ANK1: variants seen among roughly 807,000 people sequenced by gnomAD.
ANK1 encodes ankyrin 1.
ANK1 carries 51 observed loss-of-function variants against 210.4 expected under a neutral mutation model. That is an observed-to-expected ratio of 0.24 (90% CI 0.19 to 0.31). The LOEUF is 0.31. ANK1 is among the 10% of genes least tolerant of loss of function. ANK1 has a pLI of 1.00. For synonymous variants in ANK1, 967 were observed against 1,025.9 expected (o/e 0.94, Z 1.10); for missense variants, 2,051 against 2,504.4 (o/e 0.82, Z 3.86).
At chr8:41,880,771 A>C (rs1213779159) in intron 1 of ANK1, among the ~76,000 whole-genome samples, 1 of 152,106 alleles carries the variant, frequency 6.6e-6, no homozygotes, top group Non-Finnish European at 1.5e-5. Context: ...CTGCATCCAA[A>C]CTCAAGCTCC....
chr8:41,895,252 C>G (rs529403391), intron 1 of ANK1, among the ~76,000 whole-genome samples: 1 of 152,310 alleles, frequency 6.6e-6, no homozygotes, highest in East Asian at 1.9e-4. Flanking sequence ...GCCTGAGGGG[C>G]CCCACTCCTT....
chr8:41,744,033 C>A (rs1207862306), intron 2 of ANK1, among the ~76,000 whole-genome samples: 2 of 152,022 alleles, frequency 1.3e-5, no homozygotes, highest in African/African-American at 4.8e-5. Flanking sequence ...GCACCTTGTG[C>A]CAGAAAGTAG....
At chr8:41,688,395 G>A in intron 34 of ANK1, 116 bp downstream of exon 34, 2 of 1,453,046 alleles carry the variant, frequency 1.4e-6, no homozygotes, top group Non-Finnish European at 1.9e-6. Flanking sequence ...GCTGCTTTTG[G>A]AACTGGCTGA....
At chr8:41,730,668 A>G (rs2279437) in intron 3 of ANK1, among the ~76,000 whole-genome samples, 85,507 of 152,028 alleles carry the variant, frequency 0.56, 24,747 homozygotes, top group Middle Eastern at 0.63. Flanking sequence ...AAGTCCAAAG[A>G]GCCTCCATTG....
chr8:41,739,662 G>A lies in ANK1; in HGVS notation c.130-5593C>T, dbSNP rs1834261558. The stretch of plus-strand genomic sequence containing the variant: ...CTTCTTCTGTGAAGTTGTCAGCATG[G>A]AGGTGAGAAGGCTGAGTCAATCTCA... On this transcript the variant is annotated intron_variant, in intron 2 of 42. Coordinates refer to ENST00000289734, the MANE Select transcript of ANK1 (RefSeq NM_000037.4). 2.0e-5 allele frequency among the ~76,000 whole-genome samples: 3 copies of A among 152,020 alleles called. No homozygotes were observed. The South Asian group carries it at 6.2e-4, about 32-fold the overall frequency.
intron 37 of ANK1, among the ~76,000 whole-genome samples, chr8:41,680,100 T>A (rs1815491211): frequency 6.6e-6 from 1 of 152,138 alleles, no homozygotes; most frequent in Non-Finnish European, 1.5e-5. Context: ...GCTCCTTGGA[T>A]TTGGCTGGAT....
intron 10 of ANK1, among the ~76,000 whole-genome samples, chr8:41,719,297 G>A (rs2150643343): frequency 6.6e-6 from 1 of 152,296 alleles, no homozygotes; most frequent in Admixed American, 6.5e-5. Flanking sequence ...AGCTCAGAAA[G>A]CCACGCAGCC....
In ANK1 at chr8:41,718,110, G is replaced by A. The variant is rs1349506471; in HGVS notation, c.1202C>T (p.Thr401Ile). Residue 401 changes from threonine (T) to isoleucine (I), a missense_variant, in exon 11 of 43, where the codon ACC (threonine) becomes ATC (isoleucine). By Grantham distance (89) the Thr-to-Ile change is moderately conservative. Transcript: ENST00000289734. ...LKTGASIDAVTESGLTPLHVA... is the reference protein window; with the variant it reads ...LKTGASIDAVIESGLTPLHVA... ...CTCCTCTGCAGTCTCTCCTACCTCGGTGACCGCGTCGATCGAGGCTCCCGT... is the reference window on the plus strand; with the variant it reads ...CTCCTCTGCAGTCTCTCCTACCTCGATGACCGCGTCGATCGAGGCTCCCGT... The A allele has an allele frequency of 3.1e-6, 5 of 1,613,706 alleles. No individual in the cohort carries two copies. The highest frequency in any genetic ancestry group is 4.2e-6 in the Non-Finnish European group (5 of 1,179,956).
intron 9 of ANK1, among the ~76,000 whole-genome samples, chr8:41,721,585 A>G (rs937371104): frequency 4.8e-5 from 7 of 144,360 alleles, no homozygotes; most frequent in African/African-American, 1.8e-4. Flanking sequence ...TGAACCTGTG[A>G]GGCGGAGGTT....
intron 1 of ANK1, among the ~76,000 whole-genome samples, chr8:41,782,842 G>T (rs570016009): frequency 6.3e-4 from 96 of 152,264 alleles, no homozygotes; most frequent in African/African-American, 2.3e-3. Flanking sequence ...CAAATTTCAA[G>T]TATTTCATTA....
chr8:41,867,411 A>G (rs1244957725), intron 1 of ANK1, among the ~76,000 whole-genome samples: 2 of 152,194 alleles, frequency 1.3e-5, no homozygotes, highest in African/African-American at 4.8e-5. Flanking sequence ...AAAATAATAC[A>G]AATCTCCTAA....
At chr8:41,819,017 C>T (rs1250232957) in intron 1 of ANK1, among the ~76,000 whole-genome samples, 1 of 152,170 alleles carries the variant, frequency 6.6e-6, no homozygotes, top group Non-Finnish European at 1.5e-5. Flanking sequence ...AGCTAAGGGC[C>T]CGCATGCACA....
At chr8:41,727,379 C>T in intron 4 of ANK1, 31 bp from the exon 5 acceptor site, 1 of 1,529,514 alleles carries the variant, frequency 6.5e-7, no homozygotes, top group Admixed American at 1.7e-5. Flanking sequence ...TCATTAGCAT[C>T]CACCCGCAAT....
At position 41,684,567 on chromosome 8, in the gene ANK1, G is replaced by A. The variant is rs777606020; in HGVS notation, c.4514C>T (p.Ser1505Leu). Residue 1505 changes from serine to leucine, a missense_variant, in exon 37 of 43, where the codon TCG becomes TTG. By Grantham distance (145) the Ser-to-Leu change is moderately radical (BLOSUM62 -2). This residue lies in a region of ANK1 where 496 missense variants were observed against 533.4 expected (regional missense o/e 0.93). Coordinates refer to ENST00000289734, the MANE Select transcript of ANK1 (RefSeq NM_000037.4). ...ACCATTCATCTGGGAGGGTGACAGC[G>A]AGTAGTCGCGGTCGGTGTGCCGCCT... ...PDRRHTDRDY[S>L]LSPSQMNGYS... 7.4e-6 allele frequency: 12 copies of A among 1,613,662 alleles called. No individual in the cohort carries two copies. The highest frequency in any genetic ancestry group is 2.7e-5 in the African/African-American group (2 of 74,950).
intron 2 of ANK1, among the ~76,000 whole-genome samples, chr8:41,756,991 T>C (rs2150711364): frequency 6.6e-6 from 1 of 152,172 alleles, no homozygotes; most frequent in Non-Finnish European, 1.5e-5. Flanking sequence ...AGTAGTAAAA[T>C]TCGTAGAGAC....
intron 2 of ANK1, among the ~76,000 whole-genome samples, chr8:41,747,192 C>T (rs993972622): frequency 6.6e-6 from 1 of 152,156 alleles, no homozygotes. Flanking sequence ...CTTGTCAAAA[C>T]GGACAGAAAG....
chr8:41,788,402 A>C (rs1191957047), intron 1 of ANK1, among the ~76,000 whole-genome samples: 1 of 152,166 alleles, frequency 6.6e-6, no homozygotes, highest in East Asian at 1.9e-4. Flanking sequence ...AGGTGCATTA[A>C]GTCAGTTTCC....
At chr8:41,869,291 C>T (rs1815047820) in intron 1 of ANK1, among the ~76,000 whole-genome samples, 1 of 152,188 alleles carries the variant, frequency 6.6e-6, no homozygotes, top group Non-Finnish European at 1.5e-5. Flanking sequence ...AGAGAGTGCT[C>T]CTTGAACTTC....
At chr8:41,766,359 C>T (rs1776243728) in intron 1 of ANK1, among the ~76,000 whole-genome samples, 1 of 152,174 alleles carries the variant, frequency 6.6e-6, no homozygotes, top group South Asian at 2.1e-4. Context: ...AACACTGGGC[C>T]CTAGTGAGTG....
Sources: gnomAD v4.1 joint callset for allele counts (sites outside exome capture counted in the v4.1 genomes callset) on GRCh38, gnomAD v4.1.1 for gene constraint, gnomAD v4.1.1 regional missense constraint, MANE v1.5 for transcripts, NCBI Gene and HGNC (gene_info 2026-07-23, HGNC 2026-07-21) for gene names.